The following TRMT61A variants were observed in gnomAD, a reference collection of about 807,000 sequenced individuals.
The protein encoded by TRMT61A is tRNA methyltransferase 61A, also known as tRNA (adenine(58)-N(1))-methyltransferase catalytic subunit TRMT61A.
In TRMT61A, 15 loss-of-function variants were observed where a neutral mutation model predicts 21.3. The observed-to-expected ratio is 0.70, with a 90% confidence interval of 0.47 to 1.08. The LOEUF (loss-of-function observed/expected upper bound fraction) is 1.08, where lower values mean the gene tolerates loss of function less well. TRMT61A is among the 50% of genes least tolerant of loss of function. The pLI, the probability that TRMT61A is intolerant of heterozygous loss-of-function variation, is 0.00. For synonymous variants in TRMT61A, 183 were observed against 185.5 expected, an observed-to-expected ratio of 0.99 and a Z score of 0.11; for missense variants, 352 against 426.7, an observed-to-expected ratio of 0.83 and a Z score of 1.54.
rs749028868 is a variant in TRMT61A at position 103,530,279 on chromosome 14, C to T, written c.301C>T (p.Leu101Phe). The change falls in exon 2 of 4, where the codon CTT (leucine) becomes TTT (phenylalanine). Residue 101 changes from leucine (L) to phenylalanine (F), a missense_variant. Leu to Phe is a conservative substitution (Grantham distance 22). Coordinates refer to ENST00000389749, the MANE Select transcript of TRMT61A (RefSeq NM_152307.3). ...CGCCCTCATCACCATGATGTTGGAG[C>T]TTCGGCCCGGCTCTGTGGTCTGTGA... ...DIALITMMLE[L>F]RPGSVVCESG... 1.9e-6 allele frequency: 3 copies of T among 1,593,248 alleles called. No homozygotes were observed. The highest frequency in any genetic ancestry group is 2.6e-6 in the Non-Finnish European group (3 of 1,163,432).
chr14:103,536,160 G>T lies in TRMT61A; in HGVS notation c.*1339G>T. On this transcript the variant is annotated 3_prime_UTR_variant, in exon 4 of 4. Transcript: ENST00000389749. ...CCTGTCCTGGTTTGGCATGATAGGC[G>T]CTCCAGTCTCCAGGACAAAGGGGCA... is the stretch of plus-strand genomic sequence containing the variant. 6.6e-6 allele frequency: 1 copy of T among 152,558 alleles called. No individual in the cohort carries two copies. 9.5% of individuals were successfully genotyped at this position (152,558 alleles called of 1,614,324 possible). A position where few individuals can be genotyped will look rare whatever the true frequency, so the allele number is the denominator to read the frequency against.
In TRMT61A at chr14:103,534,712, C is replaced by A. The variant is rs760137498; in HGVS notation, c.761C>A (p.Thr254Lys). ...SLPPPDLGTG[T>K]DGPAGSDTSP... is the part of the protein sequence containing the mutation. ...CCACCGCCCGACCTGGGCACAGGCA[C>A]AGATGGCCCTGCCGGCTCCGACACC... Residue 254 changes from threonine to lysine, a missense_variant, in exon 4 of 4, where the codon ACA becomes AAA. Transcript: ENST00000389749. 1 of 1,606,708 alleles carries A rather than the reference C, an allele frequency of 6.2e-7. No homozygotes were observed. The highest frequency in any genetic ancestry group is 2.2e-5 in the East Asian group (1 of 44,836).
rs577200304 is a variant in TRMT61A at position 103,531,020 on chromosome 14, G to A, written c.331+711G>A. ...CCCTCCCTGGGGTGTCTGGGTGGGA[G>A]GGGTGGAGAGCAGGACTTAGCCAAC... On this transcript the variant is annotated intron_variant, in intron 2 of 3. Transcript: ENST00000389749. This position sits in a 1 kb window ranked among gnomAD's most constrained non-coding sequence, Gnocchi z 5.1. 2.6e-5 allele frequency among the ~76,000 whole-genome samples: 4 copies of A among 152,332 alleles called. No individual in the cohort carries two copies. In the East Asian group the frequency reaches 5.8e-4, roughly 22 times the overall value.
Position 103,530,172 on chromosome 14 carries a change from G to A in TRMT61A, c.194G>A (p.Trp65Ter). 1 of 1,612,778 alleles carries A rather than the reference G, an allele frequency of 6.2e-7. No individual in the cohort carries two copies. Among genetic ancestry groups the A allele is most frequent in the Non-Finnish European group, 8.5e-7 (1 of 1,179,988 alleles). Residue 65 changes from tryptophan to a stop codon, truncating the protein, a stop_gained, in exon 2 of 4, where the codon TGG (tryptophan) becomes TAG (stop). Transcript: ENST00000389749. LOFTEE classifies it high-confidence loss of function. ...AAGGTGACGTGCGGCCGAGGTGGCT[G>A]GGTGTATGTGCTGCACCCCACGCCC... ...GSKVTCGRGG[W>*]VYVLHPTPEL... is the part of the protein sequence containing the mutation.
In TRMT61A at chr14:103,534,916, C is replaced by T. The variant is rs1372204390; in HGVS notation, c.*95C>T. On this transcript the variant is annotated 3_prime_UTR_variant, in exon 4 of 4. Transcript: ENST00000389749. ...TATATGGTCAGCGATGCCTGCCAGA[C>T]ACAGACGGTGGGGTGGGGCTTGGGG... 1 of 1,486,404 alleles carries T rather than the reference C, an allele frequency of 6.7e-7. No individual in the cohort carries two copies. The highest frequency in any genetic ancestry group is 9.1e-7 in the Non-Finnish European group (1 of 1,102,752). 92.1% of individuals were successfully genotyped at this position (1,486,404 alleles called of 1,614,324 possible).
Position 103,534,606 on chromosome 14 carries a change from G to T in TRMT61A, c.655G>T (p.Ala219Ser). 6.2e-7 allele frequency: 1 copy of T among 1,603,638 alleles called. No homozygotes were observed. Among genetic ancestry groups the T allele is most frequent in the Non-Finnish European group, 8.5e-7 (1 of 1,173,624 alleles). Reference protein sequence around the residue: ...CIEQVQRTCQALAARGFSELS... With the variant: ...CIEQVQRTCQSLAARGFSELS... ...CGAGCAGGTGCAACGCACATGCCAG[G>T]CGCTGGCAGCGCGCGGCTTCTCAGA... Residue 219 changes from alanine to serine, a missense_variant, in exon 4 of 4, where the codon GCG (alanine) becomes TCG (serine). Coordinates refer to ENST00000389749, the MANE Select transcript of TRMT61A (RefSeq NM_152307.3).
intron 3 of TRMT61A, among the ~76,000 whole-genome samples, chr14:103,533,076 C>T (rs2075960312): frequency 6.6e-6 from 1 of 152,192 alleles, no homozygotes; most frequent in Non-Finnish European, 1.5e-5. Context: ...TCTGGCCTCT[C>T]CCAACCCCCT....
chr14:103,530,266 C>G lies in TRMT61A; in HGVS notation c.288C>G (p.Thr96=). The change falls in exon 2 of 4, where the codon ACC becomes ACG. Residue 96 remains threonine, a synonymous_variant. Transcript: ENST00000389749. ...ACTCCACAGACATCGCCCTCATCAC[C>G]ATGATGTTGGAGCTTCGGCCCGGCT... ...ILYSTDIALI[T]MMLELRPGSV... is the part of the protein sequence containing the mutation. 6.3e-7 allele frequency: 1 copy of G among 1,599,884 alleles called. No individual in the cohort carries two copies.
chr14:103,535,708 G>T lies in TRMT61A; in HGVS notation c.*887G>T. 1 of 258,694 alleles carries T rather than the reference G, an allele frequency of 3.9e-6. No individual in the cohort carries two copies. The highest frequency in any genetic ancestry group is 7.7e-6 in the Non-Finnish European group (1 of 129,150). 16.0% of individuals were successfully genotyped at this position (258,694 alleles called of 1,614,324 possible). A position where few individuals can be genotyped will look rare whatever the true frequency, so the allele number is the denominator to read the frequency against. On this transcript the variant is annotated 3_prime_UTR_variant, in exon 4 of 4. Transcript: ENST00000389749. ...GACAACGGTGTGGGGTAGGGGAGGTGCATTCAGGACACCACCCAGGGACAG... is the reference window on the plus strand; with the variant it reads ...GACAACGGTGTGGGGTAGGGGAGGTTCATTCAGGACACCACCCAGGGACAG...
chr14:103,530,397 A>G (rs1046363088), intron 2 of TRMT61A, 88 bp downstream of exon 2: 2 of 1,123,022 alleles, frequency 1.8e-6, no homozygotes, highest in African/African-American at 1.6e-5. Flanking sequence ...CTACAGACAC[A>G]TGTGGCTCCT....
rs1385126415 is a variant in TRMT61A at position 103,536,238 on chromosome 14, T to A, written c.*1417T>A. On this transcript the variant is annotated 3_prime_UTR_variant, in exon 4 of 4. Coordinates refer to ENST00000389749, the MANE Select transcript of TRMT61A (RefSeq NM_152307.3). ...AGAAAAGGCCACTCCTTCCTGGGGT[T>A]GGGGTGGTCCAGGAGTGCTGGGCCT... 6.6e-6 allele frequency: 1 copy of A among 152,382 alleles called. No homozygotes were observed. The highest frequency in any genetic ancestry group is 2.4e-5 in the African/African-American group (1 of 41,436). 9.4% of individuals were successfully genotyped at this position (152,382 alleles called of 1,614,324 possible).
chr14:103,530,182 G>A lies in TRMT61A; in HGVS notation c.204G>A (p.Val68=). ...GCGGCCGAGGTGGCTGGGTGTATGT[G>A]CTGCACCCCACGCCCGAGCTCTGGA... The part of the protein sequence containing the change: ...VTCGRGGWVY[V]LHPTPELWTL... The change falls in exon 2 of 4, where the codon GTG becomes GTA. Residue 68 remains valine, a synonymous_variant. Transcript: ENST00000389749. 6.2e-7 allele frequency: 1 copy of A among 1,612,604 alleles called. No homozygotes were observed. Among genetic ancestry groups the A allele is most frequent in the Non-Finnish European group, 8.5e-7 (1 of 1,179,844 alleles).
In TRMT61A at chr14:103,532,754, C is replaced by G; in HGVS notation, c.504C>G (p.Gly168=). 2.5e-6 allele frequency: 4 copies of G among 1,596,510 alleles called. 1 individual carries two copies. In the South Asian group the frequency reaches 4.5e-5, roughly 18 times the overall value. Residue 168 remains glycine, a synonymous_variant, in exon 3 of 4, where the codon GGC becomes GGG. Transcript: ENST00000389749. ...GCACCCAGGACGTGTGCCGCAGTGG[C>G]TTTGGCGTGAGCCACGTGGCCGACG... is the stretch of plus-strand genomic sequence containing the variant. The part of the protein sequence containing the change: ...TVRTQDVCRS[G]FGVSHVADAV...
At chr14:103,533,929 G>T (rs1276753446) in intron 3 of TRMT61A, among the ~76,000 whole-genome samples, 2 of 152,216 alleles carry the variant, frequency 1.3e-5, no homozygotes, top group African/African-American at 4.8e-5. Context: ...AGGGACGTTT[G>T]AGGACACTTG....
intron 3 of TRMT61A, 58 bp downstream of exon 3, chr14:103,532,906 G>C (rs959726875): frequency 7.4e-6 from 11 of 1,493,138 alleles, no homozygotes; most frequent in Admixed American, 6.3e-5. Context: ...AAGGGTGCAG[G>C]ACTGAGCTCC....
At chr14:103,529,861 T>C (rs2075947509) in intron 1 of TRMT61A, 89 bp from the exon 2 acceptor site, 3 of 978,574 alleles carry the variant, frequency 3.1e-6, no homozygotes, top group Non-Finnish European at 4.5e-6. Context: ...TGCCCACTGC[T>C]GGGATGTAGG....
rs983189154 is a variant in TRMT61A, at chr14:103,536,038, TC to T, written c.*1222del. ...TGAGTGATGAGCAATAAACGTACCG[TC>T]CCCCTCTGTTCTGAGTGATCCCTAG... On this transcript the variant is annotated 3_prime_UTR_variant, in exon 4 of 4. Coordinates refer to ENST00000389749, the MANE Select transcript of TRMT61A (RefSeq NM_152307.3). 1 of 152,482 alleles carries T rather than the reference TC, an allele frequency of 6.6e-6. No homozygotes were observed. The highest frequency in any genetic ancestry group is 2.4e-5 in the African/African-American group (1 of 41,392). The allele number at this position is 152,482 out of a possible 1,614,324, so 9.4% of individuals were successfully genotyped here. A position where few individuals can be genotyped will look rare whatever the true frequency, so the allele number is the denominator to read the frequency against.
At position 103,532,752 on chromosome 14, in the gene TRMT61A, G is replaced by A; in HGVS notation, c.502G>A (p.Gly168Ser). The change falls in exon 3 of 4, where the codon GGC (glycine) becomes AGC (serine). Residue 168 changes from glycine to serine, a missense_variant. Coordinates refer to ENST00000389749, the MANE Select transcript of TRMT61A (RefSeq NM_152307.3). ...GCGCACCCAGGACGTGTGCCGCAGT[G>A]GCTTTGGCGTGAGCCACGTGGCCGA... ...TVRTQDVCRS[G>S]FGVSHVADAV... The A allele has an allele frequency of 6.3e-7, 1 of 1,598,036 alleles. No homozygotes were observed. The highest frequency in any genetic ancestry group is 8.5e-7 in the Non-Finnish European group (1 of 1,172,902).
chr14:103,530,324 C>A lies in TRMT61A; in HGVS notation c.331+15C>A. 1 of 1,567,762 alleles carries A rather than the reference C, an allele frequency of 6.4e-7. No individual in the cohort carries two copies. The highest frequency in any genetic ancestry group is 1.2e-5 in the South Asian group (1 of 86,204). ...CTGTGAGTCTGGTGAGTTCCTCAGGCTGCCTCAGTTTAACGCAGAAATTGA... is the reference window on the plus strand; with the variant it reads ...CTGTGAGTCTGGTGAGTTCCTCAGGATGCCTCAGTTTAACGCAGAAATTGA... On this transcript the variant is annotated intron_variant, in intron 2 of 3. Transcript: ENST00000389749.
Sources: allele counts gnomAD v4.1 joint callset (sites outside exome capture counted in the v4.1 genomes callset), GRCh38; gene constraint gnomAD v4.1.1; non-coding constraint Gnocchi (gnomAD v3.1); transcripts MANE v1.5; gene names NCBI Gene and HGNC (gene_info 2026-07-23, HGNC 2026-07-21).